The following LPP variants were observed in gnomAD, a reference collection of about 807,000 sequenced individuals.
The protein encoded by LPP is lipoma-preferred partner.
A neutral mutation model predicts 60.4 loss-of-function variants in LPP; 38 were observed. The observed-to-expected ratio is 0.63, with a 90% CI of 0.49 to 0.83. The LOEUF is 0.83. Ranked by LOEUF, LPP falls within the 40% of genes least tolerant of loss-of-function variation. LPP has a pLI of 0.00. For synonymous variants in LPP, 328 were observed against 290.8 expected (o/e 1.13, Z -1.30); for missense variants, 902 against 783.6 (o/e 1.15, Z -1.80).
At chr3:188,196,562 T>C (rs1311959054) in intron 1 of LPP, among the ~76,000 whole-genome samples, 1 of 152,214 alleles carries the variant, frequency 6.6e-6, no homozygotes, top group African/African-American at 2.4e-5. Context: ...CAGTCTCAGC[T>C]GGCCTTCTTT....
At chr3:188,328,417 T>C (rs1759056208) in intron 2 of LPP, among the ~76,000 whole-genome samples, 1 of 152,210 alleles carries the variant, frequency 6.6e-6, no homozygotes, top group South Asian at 2.1e-4. Context: ...CAAAAAAGCA[T>C]TTGAAATATT....
intron 7 of LPP, among the ~76,000 whole-genome samples, chr3:188,702,341 T>C (rs1303768467): frequency 8.8e-6 from 1 of 113,044 alleles, no homozygotes; most frequent in East Asian, 2.2e-4. Context: ...CTTCTTCTTC[T>C]TTTTTTTTTT....
At chr3:188,449,770 C>T (rs1796158162) in intron 4 of LPP, among the ~76,000 whole-genome samples, 1 of 151,952 alleles carries the variant, frequency 6.6e-6, no homozygotes, top group Non-Finnish European at 1.5e-5. Context: ...GCATAGTCTT[C>T]CCCCCTCAAA....
At position 188,875,430 on chromosome 3, in the gene LPP, T is replaced by C. The variant is rs114669413; in HGVS notation, c.*951T>C. On this transcript the variant is annotated 3_prime_UTR_variant, in exon 12 of 12. Coordinates refer to ENST00000617246, the MANE Select transcript of LPP (RefSeq NM_001375462.1). Reference sequence around the variant, plus strand: ...CACAACTATCAAAATTGCCTTTTTCTCTAGAGGATGAAGGCTGTGAAAAAA... The same window carrying C: ...CACAACTATCAAAATTGCCTTTTTCCCTAGAGGATGAAGGCTGTGAAAAAA... The C allele has an allele frequency of 0.013, 2,807 of 217,000 alleles. 84 individuals carry two copies. Among genetic ancestry groups the C allele is most frequent in the African/African-American group, 0.058 (2,598 of 44,506 alleles). 13.4% of individuals were successfully genotyped at this position (217,000 alleles called of 1,614,324 possible). A position where few individuals can be genotyped will look rare whatever the true frequency, so the allele number is the denominator to read the frequency against.
At chr3:188,711,128 AT>A (rs1866550021) in intron 8 of LPP, 1 of 152,202 alleles carries the variant, frequency 6.6e-6, no homozygotes, top group Non-Finnish European at 1.5e-5. Context: ...TCCATTAATA[AT>A]GCTCAATTTA....
At chr3:188,753,580 C>CGTGTGTGTGTGTGT (rs141731350) in intron 8 of LPP, among the ~76,000 whole-genome samples, 17 of 139,630 alleles carry the variant, frequency 1.2e-4, no homozygotes, top group Middle Eastern at 3.6e-3. Flanking sequence ...TTGTTGTGTG[C>CGTGTGTGTGTGTGT]GTGTGTGTGT....
Position 188,785,543 on chromosome 3 carries a change from T to C in LPP, c.1410+25261T>C, listed in dbSNP as rs1258521115. On this transcript the variant is annotated intron_variant, in intron 9 of 11. Transcript: ENST00000617246. The stretch of plus-strand genomic sequence containing the variant: ...ATATATATATATTCCATCATATATA[T>C]ATATACACACACACACACACACACA... Among the ~76,000 whole-genome samples the C allele has an allele frequency of 6.9e-4, 46 of 67,076 alleles. 12 individuals carry two copies. The South Asian group carries it at 9.5e-3, about 14-fold the overall frequency. The allele number at this position is 67,076 out of a possible 152,430, so 44.0% of individuals were successfully genotyped here.
chr3:188,579,546 C>T (rs1045469718), intron 6 of LPP, among the ~76,000 whole-genome samples: 1 of 152,088 alleles, frequency 6.6e-6, no homozygotes, highest in Admixed American at 6.5e-5. Flanking sequence ...GACAAAACTA[C>T]ACTAAAATTA....
chr3:188,442,199 G>A (rs1207586287), intron 4 of LPP, among the ~76,000 whole-genome samples: 1 of 152,124 alleles, frequency 6.6e-6, no homozygotes, highest in African/African-American at 2.4e-5. Flanking sequence ...AGGTATACAT[G>A]TGCCATGTTG....
At chr3:188,773,192 A>T (rs1232765717) in intron 9 of LPP, among the ~76,000 whole-genome samples, 1 of 152,126 alleles carries the variant, frequency 6.6e-6, no homozygotes, top group African/African-American at 2.4e-5. Context: ...GGCTTACTTA[A>T]AATAAGTAAA....
intron 4 of LPP, among the ~76,000 whole-genome samples, chr3:188,472,223 C>T (rs1472910071): frequency 6.6e-6 from 1 of 152,092 alleles, no homozygotes; most frequent in African/African-American, 2.4e-5. Context: ...TCTGAGCTTC[C>T]TTTTCTTACT....
intron 4 of LPP, among the ~76,000 whole-genome samples, chr3:188,416,857 C>T (rs1038196136): frequency 1.3e-5 from 2 of 152,162 alleles, no homozygotes; most frequent in African/African-American, 2.4e-5. Context: ...CCTGAAATCT[C>T]AGCCAATTTT....
At chr3:188,687,719 T>C (rs998963548) in intron 7 of LPP, among the ~76,000 whole-genome samples, 2 of 152,052 alleles carry the variant, frequency 1.3e-5, no homozygotes, top group African/African-American at 2.4e-5. Context: ...GTCTGATTTC[T>C]TGACCAAAGC....
chr3:188,338,961 A>C (rs1762371872), intron 2 of LPP, among the ~76,000 whole-genome samples: 1 of 151,868 alleles, frequency 6.6e-6, no homozygotes, highest in Admixed American at 6.6e-5. Flanking sequence ...ATGTCATTCC[A>C]TTTTCTTCTG....
chr3:188,347,671 G>T (rs1764752132), intron 3 of LPP, among the ~76,000 whole-genome samples: 1 of 152,216 alleles, frequency 6.6e-6, no homozygotes, highest in Admixed American at 6.5e-5. Context: ...CACAAATGCA[G>T]ATGTGAGCAG....
intron 9 of LPP, among the ~76,000 whole-genome samples, chr3:188,834,472 G>T (rs1372019961): frequency 1.3e-5 from 2 of 151,624 alleles, no homozygotes; most frequent in Non-Finnish European, 2.9e-5. Context: ...CTATTGCAGT[G>T]GTTCAGATGT....
intron 6 of LPP, among the ~76,000 whole-genome samples, chr3:188,543,531 T>C (rs911532747): frequency 2.9e-4 from 44 of 152,132 alleles, no homozygotes; most frequent in Non-Finnish European, 7.4e-5. Context: ...TTTTAATTTT[T>C]TTATATGGTT....
At chr3:188,254,595 C>T (rs1577604752) in intron 2 of LPP, among the ~76,000 whole-genome samples, 1 of 152,174 alleles carries the variant, frequency 6.6e-6, no homozygotes, top group Non-Finnish European at 1.5e-5. Flanking sequence ...TTGTTAGAGT[C>T]GTTGCATGGT....
At chr3:188,735,693 A>G (rs2150103376) in intron 8 of LPP, among the ~76,000 whole-genome samples, 1 of 152,286 alleles carries the variant, frequency 6.6e-6, no homozygotes, top group East Asian at 1.9e-4. Flanking sequence ...CTGTAATAAC[A>G]TATTTTAAAG....
Sources: allele counts gnomAD v4.1 joint callset (sites outside exome capture counted in the v4.1 genomes callset), GRCh38; gene constraint gnomAD v4.1.1; transcripts MANE v1.5; gene names NCBI Gene and HGNC (gene_info 2026-07-23, HGNC 2026-07-21).